Variants in FTO observed in about 807,000 individuals in gnomAD.
The protein encoded by FTO is FTO alpha-ketoglutarate dependent dioxygenase, also known as alpha-ketoglutarate-dependent dioxygenase FTO.
Under a neutral mutation model 63.9 loss-of-function variants are expected in FTO, and 47 were observed. The observed-to-expected ratio is 0.74, with a 90% CI of 0.58 to 0.94. The LOEUF is 0.94. FTO is among the 40% of genes least tolerant of loss of function. FTO has a pLI of 0.00. For missense variants in FTO, 562 were observed against 618.1 expected, an observed-to-expected ratio of 0.91 and a Z score of 0.96; for synonymous variants, 207 against 224.4, an observed-to-expected ratio of 0.92 and a Z score of 0.69.
chr16:53,789,936 A>G (rs1445526928), intron 1 of FTO, among the ~76,000 whole-genome samples: 2 of 148,502 alleles, frequency 1.3e-5, no homozygotes, highest in Admixed American at 1.4e-4. Flanking sequence ...ACGTATATAC[A>G]CAAAAATTAT....
chr16:53,857,779 T>C (rs2080051024), intron 4 of FTO, among the ~76,000 whole-genome samples: 1 of 152,184 alleles, frequency 6.6e-6, no homozygotes, highest in Non-Finnish European at 1.5e-5. Context: ...ATTTCTGTGC[T>C]CCATCCAGGC....
chr16:53,769,980 A>G (rs556367323), intron 1 of FTO, among the ~76,000 whole-genome samples: 40 of 152,210 alleles, frequency 2.6e-4, no homozygotes, highest in Admixed American at 2.0e-3. Context: ...TGGAAGTGGC[A>G]CTCATCACTT....
At chr16:54,027,370 T>G (rs2144190069) in intron 8 of FTO, among the ~76,000 whole-genome samples, 1 of 152,186 alleles carries the variant, frequency 6.6e-6, no homozygotes, top group Non-Finnish European at 1.5e-5. Flanking sequence ...GTAATACTGA[T>G]TCGATTTATC....
intron 8 of FTO, among the ~76,000 whole-genome samples, chr16:54,066,436 T>C (rs1048534164): frequency 2.6e-5 from 4 of 152,220 alleles, no homozygotes; most frequent in Non-Finnish European, 5.9e-5. Context: ...ACAAAGCTAC[T>C]CTGAAGTCTC....
At chr16:53,736,383 A>G (rs955312374) in intron 1 of FTO, among the ~76,000 whole-genome samples, 1 of 151,534 alleles carries the variant, frequency 6.6e-6, no homozygotes, top group Non-Finnish European at 1.5e-5. Context: ...TCCACCATCA[A>G]TCTGTAGTTT....
intron 4 of FTO, among the ~76,000 whole-genome samples, chr16:53,858,861 A>G (rs1598845312): frequency 6.6e-6 from 1 of 151,948 alleles, no homozygotes; most frequent in African/African-American, 2.4e-5. Flanking sequence ...GGGTTTCACC[A>G]TGTTGGCCAG....
At chr16:53,891,928 G>A (rs948616559) in intron 7 of FTO, among the ~76,000 whole-genome samples, 6 of 152,242 alleles carry the variant, frequency 3.9e-5, no homozygotes, top group Non-Finnish European at 7.4e-5. Context: ...TGTTCTGAGG[G>A]AGATCAGTGG....
chr16:53,953,637 C>G (rs2082852029), intron 8 of FTO, among the ~76,000 whole-genome samples: 1 of 152,106 alleles, frequency 6.6e-6, no homozygotes, highest in Non-Finnish European at 1.5e-5. Context: ...GTTTCCATAA[C>G]AACTGCAAAC....
At chr16:53,830,691 A>G (rs1279751875) in intron 3 of FTO, among the ~76,000 whole-genome samples, 3 of 152,180 alleles carry the variant, frequency 2.0e-5, no homozygotes, top group Non-Finnish European at 4.4e-5. Context: ...CAAGGTCAGG[A>G]GTTCAAGACC....
rs575442234 is a variant in FTO at position 53,720,612 on chromosome 16, A to AAAG, written c.45+16385_45+16387dup. On this transcript the variant is annotated intron_variant, in intron 1 of 8. Coordinates refer to ENST00000471389, the MANE Select transcript of FTO (RefSeq NM_001080432.3). ...TTGTATTAGGAACACAGAAACTTAAAAAGATATATATATATCTTTTATATA... is the reference window on the plus strand; with the variant it reads ...TTGTATTAGGAACACAGAAACTTAAAAAGAAGATATATATATATCTTTTATATA... 5.3e-3 allele frequency among the ~76,000 whole-genome samples: 778 copies of AAAG among 145,750 alleles called. 7 individuals carry two copies. Among genetic ancestry groups the AAAG allele is most frequent in the African/African-American group, 0.018 (740 of 40,084 alleles).
At chr16:53,709,286 A>G (rs151087541) in intron 1 of FTO, among the ~76,000 whole-genome samples, 252 of 152,370 alleles carry the variant, frequency 1.7e-3, no homozygotes, top group African/African-American at 5.8e-3. Context: ...AATTTGTGTT[A>G]AGCACATGAG....
intron 1 of FTO, among the ~76,000 whole-genome samples, chr16:53,792,375 G>A (rs1231070123): frequency 6.6e-6 from 1 of 152,152 alleles, no homozygotes; most frequent in East Asian, 1.9e-4. Flanking sequence ...AGTATTTAAT[G>A]TCTGATGATT....
chr16:53,896,154 T>C (rs1252749210), intron 7 of FTO, among the ~76,000 whole-genome samples: 1 of 152,222 alleles, frequency 6.6e-6, no homozygotes, highest in Non-Finnish European at 1.5e-5. Context: ...TATTTTAGCC[T>C]TGGCTGCTAG....
In FTO at chr16:53,873,877, TA is replaced by T; in HGVS notation, c.975+17del. 6.2e-7 allele frequency: 1 copy of T among 1,601,742 alleles called. No individual in the cohort carries two copies. The highest frequency in any genetic ancestry group is 8.6e-7 in the Non-Finnish European group (1 of 1,169,300). On this transcript the variant is annotated intron_variant, in intron 5 of 8. Transcript: ENST00000471389. ...ACCGAGTGGCAGAGGTAAGTGTAAATAAAAATGTGATTCACACCTAATTGGA... is the reference window on the plus strand; with the variant it reads ...ACCGAGTGGCAGAGGTAAGTGTAAATAAAATGTGATTCACACCTAATTGGA...
intron 7 of FTO, among the ~76,000 whole-genome samples, chr16:53,925,939 G>T (rs569135619): frequency 6.6e-6 from 1 of 152,084 alleles, no homozygotes; most frequent in East Asian, 1.9e-4. Context: ...TTTCTAATTT[G>T]CATTCAGTCT....
intron 6 of FTO, among the ~76,000 whole-genome samples, chr16:53,883,880 A>T (rs1444817884): frequency 6.6e-6 from 1 of 152,110 alleles, no homozygotes; most frequent in Non-Finnish European, 1.5e-5. Flanking sequence ...ACATTGTCAG[A>T]TATTGTTCTT....
At chr16:53,905,992 A>G (rs1474407556) in intron 7 of FTO, among the ~76,000 whole-genome samples, 1 of 152,232 alleles carries the variant, frequency 6.6e-6, no homozygotes, top group Non-Finnish European at 1.5e-5. Context: ...TACTAACTGC[A>G]GAAATCTTAT....
chr16:53,713,955 T>C (rs770677591), intron 1 of FTO, among the ~76,000 whole-genome samples: 133 of 152,324 alleles, frequency 8.7e-4, no homozygotes, highest in Non-Finnish European at 1.6e-3. Context: ...TACATTTTTG[T>C]TTTTGCTATA....
chr16:53,790,940 G>C (rs2077897140), intron 1 of FTO, among the ~76,000 whole-genome samples: 1 of 152,096 alleles, frequency 6.6e-6, no homozygotes, highest in East Asian at 1.9e-4. Context: ...GGCAGAGGAA[G>C]AAAGACCTGA....
Sources: allele counts gnomAD v4.1 joint callset (sites outside exome capture counted in the v4.1 genomes callset), GRCh38; gene constraint gnomAD v4.1.1; transcripts MANE v1.5; gene names NCBI Gene and HGNC (gene_info 2026-07-23, HGNC 2026-07-21).